DYNC1I1: variants seen among roughly 807,000 people sequenced by gnomAD.
The protein encoded by DYNC1I1 is dynein cytoplasmic 1 intermediate chain 1.
In DYNC1I1, 43 loss-of-function variants were observed where a neutral mutation model predicts 86.6. That is an observed-to-expected ratio of 0.50 (90% CI 0.39 to 0.64). The LOEUF (loss-of-function observed/expected upper bound fraction) is 0.64. DYNC1I1 is among the 30% of genes least tolerant of loss of function. DYNC1I1 has a pLI of 0.00. For synonymous variants in DYNC1I1, 262 were observed against 283.7 expected, an observed-to-expected ratio of 0.92 and a Z score of 0.77; for missense variants, 604 against 788.8, an observed-to-expected ratio of 0.77 and a Z score of 2.81.
chr7:95,917,228 G>C (rs1014355633), intron 6 of DYNC1I1, among the ~76,000 whole-genome samples: 1 of 152,132 alleles, frequency 6.6e-6, no homozygotes, highest in Non-Finnish European at 1.5e-5. Flanking sequence ...GACTGGGGAC[G>C]GGGTGTCCGT....
intron 5 of DYNC1I1, among the ~76,000 whole-genome samples, chr7:95,850,352 T>C (rs1429932443): frequency 1.3e-5 from 2 of 152,190 alleles, no homozygotes; most frequent in South Asian, 4.1e-4. Context: ...TTGTCATATA[T>C]GGCCTTTTTA....
At chr7:96,081,339 A>C (rs1790514066) in intron 16 of DYNC1I1, among the ~76,000 whole-genome samples, 1 of 151,930 alleles carries the variant, frequency 6.6e-6, no homozygotes, top group African/African-American at 2.4e-5. Flanking sequence ...GGAAAAAAAA[A>C]AACAACTACA....
chr7:95,781,484 T>G (rs1036729475), intron 1 of DYNC1I1, among the ~76,000 whole-genome samples: 1 of 152,186 alleles, frequency 6.6e-6, no homozygotes, highest in Non-Finnish European at 1.5e-5. Context: ...ACAAAACTAT[T>G]GTCGAGGAGG....
At chr7:95,931,438 T>C (rs574329219) in intron 6 of DYNC1I1, among the ~76,000 whole-genome samples, 21 of 152,164 alleles carry the variant, frequency 1.4e-4, no homozygotes, top group Non-Finnish European at 2.5e-4. Flanking sequence ...CGTGAGCCAC[T>C]GCGCCCGGCC....
intron 6 of DYNC1I1, among the ~76,000 whole-genome samples, chr7:95,970,092 G>A (rs1006578536): frequency 3.4e-4 from 52 of 152,168 alleles, no homozygotes; most frequent in African/African-American, 6.7e-4. Context: ...CTGGACTCCC[G>A]GCGAAGTTGG....
chr7:96,089,431 T>C (rs1790774622), intron 16 of DYNC1I1, among the ~76,000 whole-genome samples: 1 of 152,162 alleles, frequency 6.6e-6, no homozygotes, highest in South Asian at 2.1e-4. Context: ...AGCTTAATTG[T>C]TTAGAGCATT....
intron 5 of DYNC1I1, among the ~76,000 whole-genome samples, chr7:95,852,639 G>A (rs565939050): frequency 1.1e-3 from 163 of 151,844 alleles, no homozygotes; most frequent in Non-Finnish European, 2.0e-3. Context: ...CCCGGGTAGC[G>A]AGGATTACAG....
In DYNC1I1 at chr7:95,994,202, T is replaced by G. The variant is rs2115744726; in HGVS notation, c.844-1746T>G. On this transcript the variant is annotated intron_variant, in intron 9 of 16. Transcript: ENST00000447467. ...GCACAGAATTACTAAAATTAAAAAT[T>G]TTAAATAATTAAAGAAATTTTGGCA... 1.3e-5 allele frequency among the ~76,000 whole-genome samples: 2 copies of G among 152,258 alleles called. 1 individual carries two copies. The highest frequency in any genetic ancestry group is 4.8e-5 in the African/African-American group (2 of 41,552).
At chr7:96,095,210 T>C (rs1313712170) in intron 16 of DYNC1I1, among the ~76,000 whole-genome samples, 1 of 152,164 alleles carries the variant, frequency 6.6e-6, no homozygotes, top group African/African-American at 2.4e-5. Context: ...TGTAATTTTA[T>C]ATAGTGTAAA....
chr7:95,819,841 A>G (rs1349632429), intron 4 of DYNC1I1, among the ~76,000 whole-genome samples: 1 of 152,188 alleles, frequency 6.6e-6, no homozygotes, highest in Non-Finnish European at 1.5e-5. Flanking sequence ...AAAATTTTTA[A>G]TATCATTGTC....
chr7:95,965,382 CTTCAAAAACTGGAG>C (rs1457997927), intron 6 of DYNC1I1, among the ~76,000 whole-genome samples: 1 of 152,128 alleles, frequency 6.6e-6, no homozygotes, highest in Non-Finnish European at 1.5e-5. Context: ...GAATGTGGAG[CTTCAAAAACTGGAG>C]TTCAAAAATC....
intron 16 of DYNC1I1, among the ~76,000 whole-genome samples, chr7:96,107,869 G>GTTT (rs1178550637): frequency 2.9e-4 from 34 of 119,054 alleles, no homozygotes; most frequent in African/African-American, 5.0e-4. Flanking sequence ...TCATTGACAG[G>GTTT]TTTTTTTTTT....
chr7:95,911,445 AG>A (rs1791332484), intron 6 of DYNC1I1, among the ~76,000 whole-genome samples: 1 of 152,268 alleles, frequency 6.6e-6, no homozygotes, highest in African/African-American at 2.4e-5. Flanking sequence ...GCTTCAGTTA[AG>A]GGTCAAAAAA....
At chr7:95,928,772 C>T (rs1215443939) in intron 6 of DYNC1I1, among the ~76,000 whole-genome samples, 1 of 152,152 alleles carries the variant, frequency 6.6e-6, no homozygotes, top group African/African-American at 2.4e-5. Context: ...TTCACTAAGC[C>T]TCAGTTTTGG....
At chr7:95,855,270 C>T (rs1789688609) in intron 5 of DYNC1I1, among the ~76,000 whole-genome samples, 1 of 152,152 alleles carries the variant, frequency 6.6e-6, no homozygotes. Context: ...TATCAACCCA[C>T]TCTCTCCTGA....
chr7:95,879,207 T>C (rs1790387096), intron 6 of DYNC1I1, among the ~76,000 whole-genome samples: 1 of 152,186 alleles, frequency 6.6e-6, no homozygotes, highest in African/African-American at 2.4e-5. Flanking sequence ...TACATAAATA[T>C]TTCTTTTTTC....
rs753394829 is a variant in DYNC1I1, at chr7:96,080,495, G to A, written c.1776+7G>A. ...GGTCTATGACGTTGGAGAGGTACGT[G>A]TGTATTTGTGTTGTTGTTACTGTTT... is the stretch of plus-strand genomic sequence containing the variant. On this transcript the variant is annotated splice_region_variant and intron_variant, in intron 16 of 16. Transcript: ENST00000447467. 1.4e-5 allele frequency: 22 copies of A among 1,614,012 alleles called. No individual in the cohort carries two copies. The South Asian group carries it at 2.1e-4, about 15-fold the overall frequency.
intron 14 of DYNC1I1, among the ~76,000 whole-genome samples, chr7:96,075,219 T>A (rs1445461155): frequency 2.0e-5 from 3 of 152,160 alleles, no homozygotes; most frequent in African/African-American, 7.2e-5. Flanking sequence ...AAATCAAGAG[T>A]GCCATTTTAA....
At chr7:96,100,961 G>T (rs1353395004), downstream of DYNC1I1, among the ~76,000 whole-genome samples, 1 of 152,154 alleles carries the variant, frequency 6.6e-6, no homozygotes, top group East Asian at 1.9e-4. Flanking sequence ...GGTGAGAGAG[G>T]CATTAGCATC....
Sources: gnomAD v4.1 joint callset for allele counts (sites outside exome capture counted in the v4.1 genomes callset) on GRCh38, gnomAD v4.1.1 for gene constraint, MANE v1.5 for transcripts, NCBI Gene and HGNC (gene_info 2026-07-23, HGNC 2026-07-21) for gene names.